Variants in DGKB observed in about 807,000 individuals in gnomAD.
The protein encoded by DGKB is 90 kDa diacylglycerol kinase.
In DGKB, 67 loss-of-function variants were observed where a neutral mutation model predicts 114.3. That is an observed-to-expected ratio of 0.59 (90% CI 0.48 to 0.72). DGKB has a LOEUF of 0.72. Ranked by LOEUF, DGKB falls within the 30% of genes least tolerant of loss-of-function variation. The pLI, the probability that DGKB is intolerant of heterozygous loss-of-function variation, is 0.00. For missense variants in DGKB, 907 were observed against 975.2 expected, an observed-to-expected ratio of 0.93 and a Z score of 0.93; for synonymous variants, 398 against 323.1, an observed-to-expected ratio of 1.23 and a Z score of -2.49.
At chr7:14,918,448 T>A (rs1454368349) in intron 1 of DGKB, among the ~76,000 whole-genome samples, 2 of 152,160 alleles carry the variant, frequency 1.3e-5, no homozygotes, top group Non-Finnish European at 2.9e-5. Flanking sequence ...TAAATTGCCT[T>A]TCTATACACT....
intron 23 of DGKB, among the ~76,000 whole-genome samples, chr7:14,263,199 G>A (rs1366409704): frequency 2.6e-5 from 4 of 152,082 alleles, no homozygotes; most frequent in Non-Finnish European, 2.9e-5. Flanking sequence ...CTATGTGCCC[G>A]AGTAAACTGT....
intron 21 of DGKB, among the ~76,000 whole-genome samples, chr7:14,437,550 T>A (rs1295162478): frequency 2.0e-5 from 3 of 152,058 alleles, no homozygotes; most frequent in African/African-American, 7.2e-5. Flanking sequence ...CAAATGTGAT[T>A]GCACATGTCG....
At chr7:14,951,843 AAAAAC>A (rs1219392457) in intron 1 of DGKB, among the ~76,000 whole-genome samples, 1 of 151,998 alleles carries the variant, frequency 6.6e-6, no homozygotes, top group African/African-American at 2.4e-5. Flanking sequence ...TATTAAAAAT[AAAAAC>A]AAAACAAGTT....
intron 20 of DGKB, among the ~76,000 whole-genome samples, chr7:14,573,852 T>C (rs1563555195): frequency 6.6e-6 from 1 of 152,102 alleles, no homozygotes; most frequent in Non-Finnish European, 1.5e-5. Context: ...TTTAACGCAA[T>C]ATTTTCACAT....
chr7:14,645,488 T>C (rs554667543), intron 13 of DGKB, among the ~76,000 whole-genome samples: 139 of 152,132 alleles, frequency 9.1e-4, no homozygotes, highest in African/African-American at 3.3e-3. Context: ...AAAGAGCCAC[T>C]GGGTGCCCTT....
At chr7:14,701,084 G>C (rs1314383915) in intron 7 of DGKB, among the ~76,000 whole-genome samples, 1 of 147,102 alleles carries the variant, frequency 6.8e-6, no homozygotes, top group Non-Finnish European at 1.5e-5. Flanking sequence ...ATTCCCTTCA[G>C]TTAATCATAT....
intron 21 of DGKB, among the ~76,000 whole-genome samples, chr7:14,350,048 ATG>A (rs1159933055): frequency 6.6e-6 from 1 of 152,278 alleles, no homozygotes; most frequent in African/African-American, 2.4e-5. Context: ...ATGCCAATGA[ATG>A]TAATTGTAAA....
At chr7:14,970,854 A>G (rs1787421915) in intron 1 of DGKB, among the ~76,000 whole-genome samples, 2 of 152,130 alleles carry the variant, frequency 1.3e-5, no homozygotes, top group Non-Finnish European at 2.9e-5. Flanking sequence ...ACCATTTCTG[A>G]ACGGCAGGCT....
intron 14 of DGKB, among the ~76,000 whole-genome samples, chr7:14,627,252 G>A (rs772542494): frequency 6.6e-6 from 1 of 152,094 alleles, no homozygotes; most frequent in Non-Finnish European, 1.5e-5. Context: ...GGTGATTTGG[G>A]TGGTGTCTTT....
At chr7:14,693,904 A>G (rs566992332) in intron 9 of DGKB, among the ~76,000 whole-genome samples, 171 bp downstream of exon 9, 2 of 152,308 alleles carry the variant, frequency 1.3e-5, no homozygotes, top group African/African-American at 4.8e-5. Flanking sequence ...GGCAAGTATT[A>G]CTACACAAGG....
chr7:14,701,135 A>T lies in DGKB; in HGVS notation c.516+546T>A, dbSNP rs547332768. Among the ~76,000 whole-genome samples the T allele has an allele frequency of 2.6e-5, 4 of 152,306 alleles. No homozygotes were observed. In the East Asian group the frequency reaches 7.7e-4, roughly 29 times the overall value. On this transcript the variant is annotated intron_variant, in intron 7 of 25. Transcript: ENST00000402815. ...TTATTTTTTATGACTATAACTATAC[A>T]ATGTAAAATGAATATTAAACTGGAT...
intron 2 of DGKB, among the ~76,000 whole-genome samples, chr7:14,812,006 C>T (rs566504203): frequency 2.6e-5 from 4 of 152,156 alleles, no homozygotes; most frequent in Admixed American, 6.6e-5. Flanking sequence ...GCGAATTTGA[C>T]GACTCTAGGT....
At chr7:14,738,528 G>C (rs1832080467) in intron 4 of DGKB, among the ~76,000 whole-genome samples, 1 of 152,140 alleles carries the variant, frequency 6.6e-6, no homozygotes, top group African/African-American at 2.4e-5. Context: ...TTCTTGATTT[G>C]TTAGGAGGAA....
At chr7:14,843,485 C>T in intron 1 of DGKB, among the ~76,000 whole-genome samples, 1 of 150,676 alleles carries the variant, frequency 6.6e-6, no homozygotes, top group Non-Finnish European at 1.5e-5. Flanking sequence ...CAGGCGCCCG[C>T]CACCGCGCCC....
intron 21 of DGKB, among the ~76,000 whole-genome samples, chr7:14,466,071 C>T (rs954364901): frequency 1.3e-5 from 2 of 152,152 alleles, no homozygotes; most frequent in African/African-American, 2.4e-5. Flanking sequence ...TTCAAGTGTA[C>T]ATCTACTTCC....
chr7:14,860,454 A>T (rs899668904), intron 1 of DGKB, among the ~76,000 whole-genome samples: 3 of 151,998 alleles, frequency 2.0e-5, no homozygotes, highest in Non-Finnish European at 4.4e-5. Flanking sequence ...AATATTCAGG[A>T]AATTATTTCA....
chr7:14,176,653 C>T lies in DGKB; in HGVS notation c.2304+186G>A, dbSNP rs1781781881. ...CAAACATTCAAGAGCTAAATCATTG[C>T]CAAGGGTATATAATGTCTACAACCT... On this transcript the variant is annotated intron_variant, in intron 25 of 25. Coordinates refer to ENST00000402815, the MANE Select transcript of DGKB (RefSeq NM_001350709.2). 1.1e-5 allele frequency: 14 copies of T among 1,322,462 alleles called. No individual in the cohort carries two copies. In the Admixed American group the frequency reaches 4.8e-4, roughly 46 times the overall value. 81.9% of individuals were successfully genotyped at this position (1,322,462 alleles called of 1,614,324 possible). A position where few individuals can be genotyped will look rare whatever the true frequency, so the allele number is the denominator to read the frequency against.
At chr7:14,953,252 C>CA (rs1373179910) in intron 1 of DGKB, among the ~76,000 whole-genome samples, 20 of 151,824 alleles carry the variant, frequency 1.3e-4, no homozygotes, top group African/African-American at 4.1e-4. Context: ...AGAACATCAT[C>CA]AAAAAAACTG....
intron 23 of DGKB, among the ~76,000 whole-genome samples, chr7:14,228,388 G>T (rs149549626): frequency 6.6e-6 from 1 of 152,086 alleles, no homozygotes; most frequent in East Asian, 1.9e-4. Context: ...TTTAGTTGCT[G>T]TAACTTTCTG....
Sources: allele counts gnomAD v4.1 joint callset (sites outside exome capture counted in the v4.1 genomes callset), GRCh38; gene constraint gnomAD v4.1.1; transcripts MANE v1.5; gene names NCBI Gene and HGNC (gene_info 2026-07-23, HGNC 2026-07-21).